The following NLGN1 variants were observed in gnomAD, a reference collection of about 807,000 sequenced individuals.
NLGN1 encodes neuroligin-1.
NLGN1 carries 12 observed loss-of-function variants against 65.5 expected under a neutral mutation model. The observed-to-expected ratio is 0.18, with a 90% CI of 0.12 to 0.30. NLGN1 has a LOEUF of 0.30. NLGN1 is among the 10% of genes least tolerant of loss of function. The pLI is 1.00. For synonymous variants in NLGN1, 350 were observed against 359.5 expected (o/e 0.97, Z 0.30); for missense variants, 750 against 1,007.1 (o/e 0.74, Z 3.46).
At chr3:173,489,493 A>G (rs1405463101) in intron 2 of NLGN1, among the ~76,000 whole-genome samples, 1 of 152,174 alleles carries the variant, frequency 6.6e-6, no homozygotes, top group Admixed American at 6.5e-5. Flanking sequence ...ATTGTTGAAC[A>G]TTTGGGTTGG....
intron 3 of NLGN1, among the ~76,000 whole-genome samples, chr3:173,738,601 A>G (rs1332087378): frequency 1.3e-5 from 2 of 152,102 alleles, no homozygotes; most frequent in African/African-American, 4.8e-5. Context: ...ATTGATTTAT[A>G]TGTCTACCCT....
At chr3:173,984,250 A>G (rs1238131032) in intron 4 of NLGN1, among the ~76,000 whole-genome samples, 1 of 152,076 alleles carries the variant, frequency 6.6e-6, no homozygotes, top group Non-Finnish European at 1.5e-5. Context: ...CTGGCTTATT[A>G]TGTATTTTCC....
chr3:173,958,983 A>G (rs1382954179), intron 4 of NLGN1, among the ~76,000 whole-genome samples: 2 of 152,194 alleles, frequency 1.3e-5, no homozygotes, highest in African/African-American at 4.8e-5. Flanking sequence ...TCTGAGATCA[A>G]AGCAAGTGTC....
intron 3 of NLGN1, among the ~76,000 whole-genome samples, chr3:173,708,016 C>T (rs1768317987): frequency 6.6e-6 from 1 of 152,108 alleles, no homozygotes; most frequent in African/African-American, 2.4e-5. Context: ...TTTTAATTAA[C>T]AGTGACAGGT....
chr3:173,692,209 A>T (rs778890578), intron 3 of NLGN1, among the ~76,000 whole-genome samples: 71 of 152,112 alleles, frequency 4.7e-4, no homozygotes, highest in Non-Finnish European at 9.6e-4. Flanking sequence ...CTAGTGTTTA[A>T]AAAGGAAATT....
intron 4 of NLGN1, among the ~76,000 whole-genome samples, chr3:174,218,981 T>C (rs919271427): frequency 2.6e-5 from 4 of 152,110 alleles, no homozygotes; most frequent in African/African-American, 7.2e-5. Context: ...CAGCTGGTGA[T>C]TCATTATGAC....
rs1010768620 is a variant in NLGN1 at position 173,606,680 on chromosome 3, T to C, written c.493+1589T>C. Among the ~76,000 whole-genome samples the C allele has an allele frequency of 7.9e-5, 12 of 152,002 alleles. No homozygotes were observed. The East Asian group carries it at 1.5e-3, about 20-fold the overall frequency. Reference sequence around the variant, plus strand: ...CAAAATTCATAACTCAGTTCAGAATTATTTGCATTAAATTGAGGGTTTTTT... The same window carrying C: ...CAAAATTCATAACTCAGTTCAGAATCATTTGCATTAAATTGAGGGTTTTTT... On this transcript the variant is annotated intron_variant, in intron 3 of 6. Coordinates refer to ENST00000457714, the Ensembl canonical transcript of NLGN1.
chr3:173,841,091 C>T (rs1724679664), intron 4 of NLGN1, among the ~76,000 whole-genome samples: 1 of 151,830 alleles, frequency 6.6e-6, no homozygotes. Flanking sequence ...TCCTAAACTT[C>T]TTAGAAATAC....
chr3:173,694,177 T>TC, intron 3 of NLGN1, among the ~76,000 whole-genome samples: 1 of 152,254 alleles, frequency 6.6e-6, no homozygotes, highest in Non-Finnish European at 1.5e-5. Flanking sequence ...CTCTGTTTTT[T>TC]TCTCTCTCTC....
chr3:173,685,623 A>G (rs541922493), intron 3 of NLGN1: 26 of 984,490 alleles, frequency 2.6e-5, no homozygotes, highest in South Asian at 4.7e-5. Flanking sequence ...CTGGAAGTCA[A>G]TGATTTAAGA....
At chr3:173,829,618 C>G (rs1722094983) in intron 4 of NLGN1, among the ~76,000 whole-genome samples, 1 of 151,736 alleles carries the variant, frequency 6.6e-6, no homozygotes, top group Admixed American at 6.6e-5. Context: ...CTGCTCTTAT[C>G]AAATTTCAAG....
At chr3:174,046,165 T>G (rs1733544162) in intron 4 of NLGN1, among the ~76,000 whole-genome samples, 1 of 152,166 alleles carries the variant, frequency 6.6e-6, no homozygotes, top group Admixed American at 6.5e-5. Flanking sequence ...AAATTGAAGC[T>G]CCATACTATA....
the NLGN1 span, among the ~76,000 whole-genome samples, chr3:174,292,712 T>C: frequency 2.0e-5 from 3 of 151,612 alleles, no homozygotes; most frequent in East Asian, 5.8e-4. Flanking sequence ...AATTGTTGTA[T>C]TATAATTTCA....
intron 3 of NLGN1, among the ~76,000 whole-genome samples, chr3:173,704,586 A>G (rs1337684825): frequency 6.6e-6 from 1 of 152,180 alleles, no homozygotes; most frequent in East Asian, 1.9e-4. Context: ...TTTCAATATC[A>G]TTTTGAGAGA....
rs151139998 is a variant in NLGN1, at chr3:174,129,683, G to A, written c.647-145632G>A. Among the ~76,000 whole-genome samples the A allele has an allele frequency of 2.7e-3, 417 of 152,264 alleles. 3 individuals are homozygous for A. Among genetic ancestry groups the A allele is most frequent in the African/African-American group, 9.5e-3 (394 of 41,538 alleles). On this transcript the variant is annotated intron_variant, in intron 4 of 6. Coordinates refer to ENST00000457714, the Ensembl canonical transcript of NLGN1. ...CAGTATAGCTTTATCTTTAAGCCTA[G>A]GGCTGGGAATTAAGTCCTTATCATT...
intron 3 of NLGN1, among the ~76,000 whole-genome samples, chr3:173,662,557 T>C (rs1447794333): frequency 6.6e-6 from 1 of 152,040 alleles, no homozygotes; most frequent in Non-Finnish European, 1.5e-5. Flanking sequence ...GATGGCTCTG[T>C]TGTTTTCTAT....
intron 4 of NLGN1, among the ~76,000 whole-genome samples, chr3:173,866,138 G>A (rs1322783413): frequency 6.6e-6 from 1 of 152,206 alleles, no homozygotes; most frequent in African/African-American, 2.4e-5. Context: ...TTGGGAGGAT[G>A]TGGTTGAAAG....
intron 2 of NLGN1, among the ~76,000 whole-genome samples, chr3:173,597,919 A>G (rs887483919): frequency 6.6e-6 from 1 of 152,072 alleles, no homozygotes; most frequent in Non-Finnish European, 1.5e-5. Context: ...TATCTTCTTG[A>G]GGTTTTCAAA....
intron 4 of NLGN1, among the ~76,000 whole-genome samples, chr3:174,194,718 T>G (rs2152764803): frequency 6.6e-6 from 1 of 150,554 alleles, no homozygotes; most frequent in African/African-American, 2.4e-5. Flanking sequence ...ACATAGATAG[T>G]TACAGATATA....
Sources: allele counts gnomAD v4.1 joint callset (sites outside exome capture counted in the v4.1 genomes callset), GRCh38; gene constraint gnomAD v4.1.1; transcripts MANE v1.5; gene names NCBI Gene and HGNC (gene_info 2026-07-23, HGNC 2026-07-21).